Variants in TMEM63B observed in about 807,000 individuals in gnomAD.
TMEM63B encodes mechanosensitive cation channel TMEM63B.
Under a neutral mutation model 102.6 loss-of-function variants are expected in TMEM63B, and 23 were observed. That is an observed-to-expected ratio of 0.22 (90% CI 0.16 to 0.32). The LOEUF (loss-of-function observed/expected upper bound fraction) is 0.32. Among genes scored for constraint, TMEM63B ranks in the 10% least tolerant of loss-of-function variants. The probability of loss-of-function intolerance (pLI) is 1.00; values close to 1 mark genes in which losing one functional copy is unlikely to be tolerated. For synonymous variants in TMEM63B, 444 were observed against 437.0 expected (o/e 1.02, Z -0.20); for missense variants, 628 against 1,095.9 (o/e 0.57, Z 6.03).
chr6:44,147,801 G>A (rs970539243), intron 12 of TMEM63B, among the ~76,000 whole-genome samples: 1 of 152,168 alleles, frequency 6.6e-6, no homozygotes, highest in East Asian at 1.9e-4. Context: ...TGAGAGTGTT[G>A]TGAGGGTAAA....
In TMEM63B at chr6:44,154,185, C is replaced by T; in HGVS notation, c.2223C>T (p.Tyr741=). Residue 741 remains tyrosine, a synonymous_variant, in exon 22 of 24, where the codon TAC becomes TAT. Transcript: ENST00000323267. ...GHFKYLSAHN[Y]KIEHTETDTV... is the part of the protein sequence containing the mutation. ...TCAAATACCTCAGTGCCCACAACTACAAGGTGTGGGGCAAGGGTGGCAGGC... is the reference window on the plus strand; with the variant it reads ...TCAAATACCTCAGTGCCCACAACTATAAGGTGTGGGGCAAGGGTGGCAGGC... 1 of 1,613,168 alleles carries T rather than the reference C, an allele frequency of 6.2e-7. No individual in the cohort carries two copies. Among genetic ancestry groups the T allele is most frequent in the Non-Finnish European group, 8.5e-7 (1 of 1,179,138 alleles).
In TMEM63B at chr6:44,152,490, T is replaced by C; in HGVS notation, c.1837-103T>C. On this transcript the variant is annotated intron_variant, in intron 19 of 23. Transcript: ENST00000323267. The surrounding 1 kb of genome is among the most constrained non-coding windows in gnomAD (Gnocchi z 6.4). ...TAGGTCCTGTTCCCCATGGCTTCTT[T>C]TCCGGCCCCAGAGGTCCTGGCTCCC... 1 of 868,124 alleles carries C rather than the reference T, an allele frequency of 1.2e-6. No individual in the cohort carries two copies. The highest frequency in any genetic ancestry group is 1.9e-6 in the Non-Finnish European group (1 of 533,026). 53.8% of individuals were successfully genotyped at this position (868,124 alleles called of 1,614,324 possible). A position where few individuals can be genotyped will look rare whatever the true frequency, so the allele number is the denominator to read the frequency against.
rs565183907 is a variant in TMEM63B at position 44,153,931 on chromosome 6, G to C, written c.2110+88G>C. On this transcript the variant is annotated intron_variant, in intron 21 of 23. Coordinates refer to ENST00000323267, the MANE Select transcript of TMEM63B (RefSeq NM_018426.3). ...CCACAGGAGAAGCCGCATGGCTGGG[G>C]GTGGCAGGCAAGGGGCCTGGGAGAG... is the stretch of plus-strand genomic sequence containing the variant. 9.2e-5 allele frequency: 144 copies of C among 1,573,570 alleles called. No individual in the cohort carries two copies. In the South Asian group the frequency reaches 1.6e-3, roughly 17 times the overall value.
chr6:44,131,279 G>A (rs952440874), intron 1 of TMEM63B, among the ~76,000 whole-genome samples: 5 of 152,074 alleles, frequency 3.3e-5, no homozygotes, highest in Admixed American at 2.0e-4. Context: ...GAAGTGGGTA[G>A]GGGTAGAGTA....
Position 44,152,061 on chromosome 6 carries a change from C to G in TMEM63B, c.1836+53C>G. 1 of 1,528,900 alleles carries G rather than the reference C, an allele frequency of 6.5e-7. No individual in the cohort carries two copies. The highest frequency in any genetic ancestry group is 2.0e-4 in the Middle Eastern group (1 of 4,886). 94.7% of individuals were successfully genotyped at this position (1,528,900 alleles called of 1,614,324 possible). ...CGCACAGCGCCCCCTGGTGGCCCAA[C>G]AAGAAACAGCAGCCATCGCGCTAGG... On this transcript the variant is annotated intron_variant, in intron 19 of 23. Transcript: ENST00000323267. This position sits in a 1 kb window ranked among gnomAD's most constrained non-coding sequence, Gnocchi z 6.4.
In TMEM63B at chr6:44,148,373, C is replaced by G. The variant is rs761536982; in HGVS notation, c.1109C>G (p.Thr370Ser). 3 of 1,614,264 alleles carry G rather than the reference C, an allele frequency of 1.9e-6. No homozygotes were observed. In the Admixed American group the frequency reaches 5.0e-5, roughly 27 times the overall value. The change falls in exon 13 of 24, where the codon ACT (threonine) becomes AGT (serine). Residue 370 changes from threonine to serine, a missense_variant. Physicochemically the swap from Thr to Ser is moderately conservative, Grantham distance 58 (BLOSUM62 1). Around this residue, in one of 6 missense-constraint regions of TMEM63B, gnomAD observed 336 missense variants for 580.3 expected, o/e 0.58. Coordinates refer to ENST00000323267, the MANE Select transcript of TMEM63B (RefSeq NM_018426.3). This position sits in a 1 kb window ranked among gnomAD's most constrained non-coding sequence, Gnocchi z 5.1. ...GCCTTTGTCACCTTCCACAATGAGA[C>G]TATCACCGCCATGTGAGTCCCCAAC... ...GMAFVTFHNE[T>S]ITAIILKDFN...
Position 44,152,009 on chromosome 6 carries a change from G to A in TMEM63B, c.1836+1G>A. 2 of 1,602,410 alleles carry A rather than the reference G, an allele frequency of 1.2e-6. No individual in the cohort carries two copies. The highest frequency in any genetic ancestry group is 1.7e-6 in the Non-Finnish European group (2 of 1,175,324). ...CGCCGAGAGGCGCAACGTGAAGCGG[G>A]TACGGCCGCCTGGGGCAGCAGCGGC... On this transcript the variant is annotated splice_donor_variant, in intron 19 of 23. Coordinates refer to ENST00000323267, the MANE Select transcript of TMEM63B (RefSeq NM_018426.3). LOFTEE classifies it high-confidence loss of function. The surrounding 1 kb of genome is among the most constrained non-coding windows in gnomAD (Gnocchi z 6.4).
intron 12 of TMEM63B, among the ~76,000 whole-genome samples, chr6:44,147,875 G>A (rs1765749024): frequency 6.6e-6 from 1 of 152,220 alleles, no homozygotes; most frequent in South Asian, 2.1e-4. Context: ...TGTAATCCCA[G>A]CACTTTGTGA....
intron 15 of TMEM63B, 150 bp downstream of exon 15, chr6:44,149,095 TC>T: frequency 8.8e-7 from 1 of 1,135,542 alleles, no homozygotes; most frequent in Non-Finnish European, 1.3e-6. Context: ...TGTGTGCACT[TC>T]CCTTGGGCTC....
chr6:44,135,229 G>T lies in TMEM63B; in HGVS notation c.240-99G>T. On this transcript the variant is annotated intron_variant, in intron 3 of 23. Transcript: ENST00000323267. ...TGAGAAGGGACTAGCCCCAATGTGG[G>T]CATGGGGGCATGAGGGCCCTAAGTT... The T allele has an allele frequency of 1.4e-5, 22 of 1,552,170 alleles. No individual in the cohort carries two copies. In the South Asian group the frequency reaches 2.5e-4, roughly 18 times the overall value.
chr6:44,150,938 G>T lies in TMEM63B; in HGVS notation c.1673+309G>T, dbSNP rs577857038. ...GGTAGTTTCTATGGGGGTGTCTTGT[G>T]CCCATATTCTGGGACTAACTGTGGG... is the stretch of plus-strand genomic sequence containing the variant. On this transcript the variant is annotated intron_variant, in intron 18 of 23. Coordinates refer to ENST00000323267, the MANE Select transcript of TMEM63B (RefSeq NM_018426.3). The surrounding 1 kb of genome is among the most constrained non-coding windows in gnomAD (Gnocchi z 4.7). Among the ~76,000 whole-genome samples the T allele has an allele frequency of 6.6e-6, 1 of 152,190 alleles. No individual in the cohort carries two copies. Among genetic ancestry groups the T allele is most frequent in the Non-Finnish European group, 1.5e-5 (1 of 68,026 alleles).
intron 5 of TMEM63B, among the ~76,000 whole-genome samples, chr6:44,137,493 A>G (rs1763199179): frequency 6.6e-6 from 1 of 152,120 alleles, no homozygotes; most frequent in Non-Finnish European, 1.5e-5. Context: ...AAGTGTCCAG[A>G]TGGTCCCCAG....
intron 10 of TMEM63B, 150 bp downstream of exon 10, chr6:44,141,248 T>A (rs986320873): frequency 2.4e-6 from 2 of 820,740 alleles, no homozygotes; most frequent in African/African-American, 3.5e-5. Flanking sequence ...GATTCCAGGG[T>A]GGTTTAGCAC....
At chr6:44,132,146 A>C in intron 1 of TMEM63B, 1 of 579,594 alleles carries the variant, frequency 1.7e-6, no homozygotes, top group Non-Finnish European at 2.2e-6. Flanking sequence ...TGCTTCCCCT[A>C]CTGGGTTCCT....
intron 5 of TMEM63B, 139 bp from the exon 6 acceptor site, chr6:44,138,341 G>A: frequency 9.4e-7 from 1 of 1,064,224 alleles, no homozygotes; most frequent in Non-Finnish European, 1.4e-6. Flanking sequence ...CTAGTTCTGA[G>A]GGTATAAGGA....
intron 10 of TMEM63B, among the ~76,000 whole-genome samples, chr6:44,145,821 A>T (rs368305587): frequency 6.6e-6 from 1 of 152,190 alleles, no homozygotes; most frequent in East Asian, 1.9e-4. Flanking sequence ...TCCTTCACTC[A>T]GCAAGCATTC....
In TMEM63B at chr6:44,150,543, C is replaced by T; in HGVS notation, c.1608-21C>T. The T allele has an allele frequency of 1.2e-6, 2 of 1,612,434 alleles. No homozygotes were observed. Among genetic ancestry groups the T allele is most frequent in the Middle Eastern group, 1.7e-4 (1 of 6,050 alleles). On this transcript the variant is annotated intron_variant, in intron 17 of 23. Transcript: ENST00000323267. This position sits in a 1 kb window ranked among gnomAD's most constrained non-coding sequence, Gnocchi z 4.7. Reference sequence around the variant, plus strand: ...TGTACCACTCCAGCTCCCACCCCATCTCTCCTCTGCTTCCCTCCAGCCTGG... The same window carrying T: ...TGTACCACTCCAGCTCCCACCCCATTTCTCCTCTGCTTCCCTCCAGCCTGG...
rs756512207 is a variant in TMEM63B at position 44,140,249 on chromosome 6, C to T, written c.603-3C>T. On this transcript the variant is annotated splice_polypyrimidine_tract_variant and splice_region_variant and intron_variant, in intron 8 of 23. Transcript: ENST00000323267. ...TCCCATGTATCCTCTCTGCTTCTCC[C>T]AGGAACAACCTGCTATGGCTGCACA... 6.2e-7 allele frequency: 1 copy of T among 1,613,372 alleles called. No individual in the cohort carries two copies. Among genetic ancestry groups the T allele is most frequent in the South Asian group, 1.1e-5 (1 of 91,044 alleles).
chr6:44,129,853 T>A (rs1278685653), intron 1 of TMEM63B, among the ~76,000 whole-genome samples: 1 of 152,250 alleles, frequency 6.6e-6, no homozygotes, highest in East Asian at 1.9e-4. Context: ...ATAAGTCATC[T>A]TGTTTAATCC....
Sources: gnomAD v4.1 joint callset for allele counts (sites outside exome capture counted in the v4.1 genomes callset) on GRCh38, gnomAD v4.1.1 for gene constraint, gnomAD v4.1.1 regional missense constraint, Gnocchi (gnomAD v3.1) non-coding constraint, MANE v1.5 for transcripts, NCBI Gene and HGNC (gene_info 2026-07-23, HGNC 2026-07-21) for gene names.